Variants in IFT74 observed in about 807,000 individuals in gnomAD.
The protein encoded by IFT74 is intraflagellar transport protein 74 homolog.
In IFT74, 92 loss-of-function variants were observed where a neutral mutation model predicts 96.7. That is an observed-to-expected ratio of 0.95 (90% CI 0.80 to 1.13). The LOEUF (loss-of-function observed/expected upper bound fraction) is 1.13. Ranked by LOEUF, IFT74 falls within the 50% of genes most tolerant of loss-of-function variation. IFT74 has a pLI of 0.00. For missense variants in IFT74, 811 were observed against 698.2 expected (o/e 1.16, Z -1.82); for synonymous variants, 223 against 213.2 (o/e 1.05, Z -0.40).
chr9:27,015,481 A>G (rs1228951329), intron 10 of IFT74, among the ~76,000 whole-genome samples: 1 of 152,156 alleles, frequency 6.6e-6, no homozygotes, highest in Non-Finnish European at 1.5e-5. Context: ...TACTAAAAAT[A>G]CAAAAATTAG....
chr9:26,989,483 A>G (rs948743511), intron 7 of IFT74, among the ~76,000 whole-genome samples: 2 of 152,196 alleles, frequency 1.3e-5, no homozygotes, highest in Non-Finnish European at 2.9e-5. Context: ...ACAATTTATA[A>G]TTTATATAGT....
At chr9:27,056,858 GGATA>G (rs56131867) in intron 18 of IFT74, among the ~76,000 whole-genome samples, 38,495 of 144,424 alleles carry the variant, frequency 0.27, 5,110 homozygotes, top group South Asian at 0.32. Context: ...TTTAGTCAAT[GGATA>G]GATAGATAGA....
chr9:26,949,109 G>A (rs1825858286), intron 1 of IFT74, among the ~76,000 whole-genome samples: 1 of 151,902 alleles, frequency 6.6e-6, no homozygotes. Context: ...TTTTCTACCG[G>A]ACTACATTTT....
chr9:26,983,237 A>G (rs964409572), intron 4 of IFT74, among the ~76,000 whole-genome samples: 2 of 152,210 alleles, frequency 1.3e-5, no homozygotes, highest in Admixed American at 1.3e-4. Flanking sequence ...TCAGTTGTTT[A>G]GTATCTCTGA....
chr9:26,999,142 C>T (rs1424594817), intron 8 of IFT74, among the ~76,000 whole-genome samples: 2 of 152,048 alleles, frequency 1.3e-5, no homozygotes, highest in African/African-American at 2.4e-5. Flanking sequence ...TTTAAAGAGC[C>T]ACACAATCTG....
chr9:26,952,132 A>T (rs187458307), upstream of IFT74, among the ~76,000 whole-genome samples: 166 of 152,274 alleles, frequency 1.1e-3, no homozygotes, highest in African/African-American at 3.8e-3. Context: ...TTTTTTTGTT[A>T]AACATTTAAG....
At chr9:27,012,277 C>T (rs571579633) in intron 10 of IFT74, among the ~76,000 whole-genome samples, 2 of 152,130 alleles carry the variant, frequency 1.3e-5, no homozygotes, top group African/African-American at 2.4e-5. Context: ...GGCTAGAGTG[C>T]GGTGACATGA....
At chr9:26,984,590 T>C in intron 6 of IFT74, 31 bp downstream of exon 6, 2 of 1,537,380 alleles carry the variant, frequency 1.3e-6, no homozygotes, top group Non-Finnish European at 1.8e-6. Context: ...GAATTTACTG[T>C]TAATATTTTC....
chr9:27,011,142 A>G (rs1272161268), intron 9 of IFT74, among the ~76,000 whole-genome samples: 1 of 152,094 alleles, frequency 6.6e-6, no homozygotes, highest in Non-Finnish European at 1.5e-5. Context: ...AATCCCAGCT[A>G]CTCGGGAGGC....
In IFT74 at chr9:26,984,365, A is replaced by G. The variant is rs1194813220; in HGVS notation, c.404+10A>G. 4.4e-6 allele frequency: 7 copies of G among 1,582,468 alleles called. 1 individual carries two copies. In the Admixed American group the frequency reaches 1.1e-4, roughly 25 times the overall value. ...TGTCATATGAAAAGAGGTGAGTAAT[A>G]AGTATTCAGTATTCATTCAGTATTT... On this transcript the variant is annotated intron_variant, in intron 5 of 19. Coordinates refer to ENST00000380062, the MANE Select transcript of IFT74 (RefSeq NM_025103.4).
At chr9:27,005,173 G>C (rs1828702216) in intron 8 of IFT74, among the ~76,000 whole-genome samples, 1 of 151,776 alleles carries the variant, frequency 6.6e-6, no homozygotes, top group Non-Finnish European at 1.5e-5. Context: ...AAAATTTCAA[G>C]GAAAAAACCT....
intron 6 of IFT74, among the ~76,000 whole-genome samples, chr9:26,987,216 C>T (rs1563952554): frequency 6.6e-6 from 1 of 151,674 alleles, no homozygotes; most frequent in South Asian, 2.1e-4. Flanking sequence ...GCTGGGATTA[C>T]AGGTGCGGTC....
intron 13 of IFT74, among the ~76,000 whole-genome samples, chr9:27,031,604 T>C (rs182896921): frequency 1.7e-3 from 259 of 150,452 alleles, no homozygotes; most frequent in African/African-American, 5.8e-3. Context: ...CTCATTTTTT[T>C]TTTTTTTTTT....
At chr9:26,991,221 G>T (rs1031095720) in intron 8 of IFT74, among the ~76,000 whole-genome samples, 3 of 152,058 alleles carry the variant, frequency 2.0e-5, no homozygotes, top group African/African-American at 7.2e-5. Flanking sequence ...TTAAAAACAA[G>T]AATCTCTTTT....
chr9:27,050,259 A>C (rs537735569), intron 16 of IFT74, among the ~76,000 whole-genome samples: 1 of 152,252 alleles, frequency 6.6e-6, no homozygotes, highest in Admixed American at 6.5e-5. Flanking sequence ...GGGTTTCACC[A>C]TGTTTTCCAG....
chr9:27,024,503 C>T (rs895459829), intron 12 of IFT74, among the ~76,000 whole-genome samples: 3 of 152,090 alleles, frequency 2.0e-5, no homozygotes, highest in Non-Finnish European at 2.9e-5. Context: ...ATGGGACAAA[C>T]GAATCTGAAC....
intron 8 of IFT74, among the ~76,000 whole-genome samples, chr9:26,992,788 G>A (rs1017759409): frequency 1.3e-5 from 2 of 152,126 alleles, no homozygotes; most frequent in Admixed American, 6.5e-5. Flanking sequence ...GATGGCCAAC[G>A]TCTCAATAAC....
At chr9:27,025,061 G>A (rs376354028) in intron 12 of IFT74, among the ~76,000 whole-genome samples, 2 of 151,914 alleles carry the variant, frequency 1.3e-5, no homozygotes, top group African/African-American at 4.8e-5. Context: ...TCCTGAGGAA[G>A]AAGACAAACC....
chr9:27,016,299 G>C (rs975086656), intron 10 of IFT74, among the ~76,000 whole-genome samples: 1 of 152,140 alleles, frequency 6.6e-6, no homozygotes, highest in African/African-American at 2.4e-5. Context: ...TTCTCCCTGT[G>C]TGTCTCTGTT....
Sources: allele counts gnomAD v4.1 joint callset (sites outside exome capture counted in the v4.1 genomes callset), GRCh38; gene constraint gnomAD v4.1.1; transcripts MANE v1.5; gene names NCBI Gene and HGNC (gene_info 2026-07-23, HGNC 2026-07-21).